Variants in PLEKHD1 observed in about 807,000 individuals in gnomAD.
The protein encoded by PLEKHD1 is pleckstrin homology domain-containing family D member 1.
PLEKHD1 carries 51 observed loss-of-function variants against 69.2 expected under a neutral mutation model. The ratio of observed to expected loss-of-function variants is 0.74; its 90% confidence interval spans 0.59 to 0.93. The LOEUF (loss-of-function observed/expected upper bound fraction) is 0.93. PLEKHD1 is among the 40% of genes least tolerant of loss of function. The pLI is 0.00. For synonymous variants in PLEKHD1, 236 were observed against 244.7 expected, an observed-to-expected ratio of 0.96 and a Z score of 0.33; for missense variants, 584 against 641.0, an observed-to-expected ratio of 0.91 and a Z score of 0.96.
intron 6 of PLEKHD1, among the ~76,000 whole-genome samples, chr14:69,515,121 C>A (rs1883355253): frequency 6.6e-6 from 1 of 152,136 alleles, no homozygotes; most frequent in Non-Finnish European, 1.5e-5. Flanking sequence ...TCACTTGAAC[C>A]CGGGAGGCAG....
At position 69,485,125 on chromosome 14, in the gene PLEKHD1, C is replaced by G; in HGVS notation, c.149+11C>G. 1 of 1,547,414 alleles carries G rather than the reference C, an allele frequency of 6.5e-7. No individual in the cohort carries two copies. The highest frequency in any genetic ancestry group is 1.4e-5 in the African/African-American group (1 of 73,116). The stretch of plus-strand genomic sequence containing the variant: ...CAAGTGGTCCCGGCGGTGAGTGCGC[C>G]CCCGCGCCCCAAGGAGACCGCCGGG... On this transcript the variant is annotated intron_variant, in intron 1 of 12. Transcript: ENST00000322564.
At chr14:69,502,527 A>G in intron 5 of PLEKHD1, 2 of 413,670 alleles carry the variant, frequency 4.8e-6, no homozygotes, top group South Asian at 4.9e-5. Flanking sequence ...TGCAGGTGGA[A>G]GGTGGGTGTG....
At chr14:69,484,525 C>G (rs530840836), upstream of PLEKHD1, among the ~76,000 whole-genome samples, 22 of 152,234 alleles carry the variant, frequency 1.4e-4, no homozygotes, top group Non-Finnish European at 2.9e-4. Flanking sequence ...CCCTGCGACC[C>G]GCAGGGACCT....
chr14:69,528,428 C>T lies in PLEKHD1; in HGVS notation c.*9C>T. ...CCCGGGGTGGAAAGTGATGGGCGCT[C>T]CTCCCCTGCTTCCCAAGTCTCCCCT... On this transcript the variant is annotated 3_prime_UTR_variant, in exon 13 of 13. Transcript: ENST00000322564. The T allele has an allele frequency of 1.3e-6, 2 of 1,549,220 alleles. No individual in the cohort carries two copies. Among genetic ancestry groups the T allele is most frequent in the Non-Finnish European group, 1.7e-6 (2 of 1,146,594 alleles).
chr14:69,513,194 G>C (rs955054105), intron 6 of PLEKHD1, among the ~76,000 whole-genome samples: 1 of 151,304 alleles, frequency 6.6e-6, no homozygotes, highest in Admixed American at 6.6e-5. Context: ...ACTCCAGCCT[G>C]GGTGGCAGAG....
chr14:69,509,309 T>C (rs1404519985), intron 6 of PLEKHD1, among the ~76,000 whole-genome samples: 1 of 152,232 alleles, frequency 6.6e-6, no homozygotes, highest in Non-Finnish European at 1.5e-5. Flanking sequence ...TTGTGACTTG[T>C]TTTCTTATTC....
intron 1 of PLEKHD1, among the ~76,000 whole-genome samples, chr14:69,498,089 TTATTTTA>T (rs1461918486): frequency 1.3e-3 from 185 of 147,068 alleles, no homozygotes; most frequent in African/African-American, 4.4e-3. Flanking sequence ...TTATTTTATT[TTATTTTA>T]TTTTATTTTA....
chr14:69,471,711 C>T, the PLEKHD1 span, among the ~76,000 whole-genome samples: 2 of 152,106 alleles, frequency 1.3e-5, no homozygotes, highest in South Asian at 4.1e-4. Flanking sequence ...AAGTCCAGGG[C>T]TCCCCACACT....
intron 6 of PLEKHD1, 94 bp downstream of exon 6, chr14:69,502,973 G>A (rs988774541): frequency 2.7e-5 from 40 of 1,455,842 alleles, no homozygotes; most frequent in Non-Finnish European, 3.4e-5. Flanking sequence ...GTGCACAGAG[G>A]ACTTGCTAGA....
the PLEKHD1 span, among the ~76,000 whole-genome samples, chr14:69,475,576 A>G: frequency 6.6e-6 from 1 of 152,222 alleles, no homozygotes; most frequent in African/African-American, 2.4e-5. Context: ...TGATGAGAAC[A>G]CAGCCCATCT....
rs892035534 is a variant in PLEKHD1 at position 69,521,964 on chromosome 14, G to C, written c.556-319G>C. 6.6e-5 allele frequency among the ~76,000 whole-genome samples: 10 copies of C among 152,174 alleles called. No homozygotes were observed. In the East Asian group the frequency reaches 1.9e-3, roughly 29 times the overall value. On this transcript the variant is annotated intron_variant, in intron 6 of 12. Coordinates refer to ENST00000322564, the MANE Select transcript of PLEKHD1 (RefSeq NM_001161498.2). ...ACCCGCCTGATGGTGGCAGTGACTG[G>C]AGCTGCCCTGCAGAGTAGATATTTA... is the stretch of plus-strand genomic sequence containing the variant.
rs369625542 is a variant in PLEKHD1 at position 69,524,444 on chromosome 14, G to T, written c.744+122G>T. ...TCTGTAAGAGAAATGGGCATGGAGG[G>T]GTGCTGATCTAAAGGGTCTCTTCTC... On this transcript the variant is annotated intron_variant, in intron 8 of 12. Transcript: ENST00000322564. 6.4e-4 allele frequency: 528 copies of T among 819,094 alleles called. 6 individuals carry two copies. The highest frequency in any genetic ancestry group is 6.4e-3 in the South Asian group (386 of 60,740). 50.7% of individuals were successfully genotyped at this position (819,094 alleles called of 1,614,324 possible). A position where few individuals can be genotyped will look rare whatever the true frequency, so the allele number is the denominator to read the frequency against.
At position 69,526,844 on chromosome 14, in the gene PLEKHD1, G is replaced by T; in HGVS notation, c.1056+15G>T. ...GGGAGCTCAAGGTGCGACCTGGCCT[G>T]CTGGTGCCAGGGCCCTTCCCCTTCC... On this transcript the variant is annotated intron_variant, in intron 10 of 12. Coordinates refer to ENST00000322564, the MANE Select transcript of PLEKHD1 (RefSeq NM_001161498.2). The T allele has an allele frequency of 6.6e-7, 1 of 1,523,492 alleles. No homozygotes were observed. The highest frequency in any genetic ancestry group is 8.8e-7 in the Non-Finnish European group (1 of 1,134,262). The allele number at this position is 1,523,492 out of a possible 1,614,324, so 94.4% of individuals were successfully genotyped here.
At chr14:69,499,880 T>C (rs1160876696) in intron 1 of PLEKHD1, among the ~76,000 whole-genome samples, 4 of 152,080 alleles carry the variant, frequency 2.6e-5, no homozygotes, top group Non-Finnish European at 5.9e-5. Flanking sequence ...TGGAAGCCAG[T>C]AGTGGGGCTC....
rs770278569 is a variant in PLEKHD1, at chr14:69,484,957, T to C, written c.-9T>C. The C allele has an allele frequency of 6.5e-7, 1 of 1,550,064 alleles. No individual in the cohort carries two copies. Among genetic ancestry groups the C allele is most frequent in the South Asian group, 1.2e-5 (1 of 83,978 alleles). On this transcript the variant is annotated 5_prime_UTR_variant, in exon 1 of 13. Coordinates refer to ENST00000322564, the MANE Select transcript of PLEKHD1 (RefSeq NM_001161498.2). ...GGGTCCGGGCCGGGCACAGCCCCGC[T>C]GAGGCAGGATGTTCACGTCCAAGTC...
At chr14:69,512,399 T>A (rs1192639660) in intron 6 of PLEKHD1, among the ~76,000 whole-genome samples, 1 of 152,140 alleles carries the variant, frequency 6.6e-6, no homozygotes, top group African/African-American at 2.4e-5. Context: ...TGATTTCTGC[T>A]CTGTTTTATT....
chr14:69,528,490 G>A lies in PLEKHD1; in HGVS notation c.*71G>A. On this transcript the variant is annotated 3_prime_UTR_variant, in exon 13 of 13. Coordinates refer to ENST00000322564, the MANE Select transcript of PLEKHD1 (RefSeq NM_001161498.2). ...GGAGGGGAAGGGGTGGCAGAGGGAG[G>A]CCTCACTCTACCAGCTCCTGGCCTC... is the stretch of plus-strand genomic sequence containing the variant. The A allele has an allele frequency of 6.7e-7, 1 of 1,497,988 alleles. No individual in the cohort carries two copies. The highest frequency in any genetic ancestry group is 1.3e-5 in the South Asian group (1 of 77,544). 92.8% of individuals were successfully genotyped at this position (1,497,988 alleles called of 1,614,324 possible). A position where few individuals can be genotyped will look rare whatever the true frequency, so the allele number is the denominator to read the frequency against.
chr14:69,530,831 A>C lies in PLEKHD1; in HGVS notation c.*2412A>C, dbSNP rs1421097238. Reference sequence around the variant, plus strand: ...TAACAAACCCACCCCCTCGATAATGACATTAATCCTTTCATAAGGGAGAGT... The same window carrying C: ...TAACAAACCCACCCCCTCGATAATGCCATTAATCCTTTCATAAGGGAGAGT... On this transcript the variant is annotated 3_prime_UTR_variant, in exon 13 of 13. Coordinates refer to ENST00000322564, the MANE Select transcript of PLEKHD1 (RefSeq NM_001161498.2). 6.6e-6 allele frequency: 1 copy of C among 152,184 alleles called. No homozygotes were observed. Among genetic ancestry groups the C allele is most frequent in the East Asian group, 1.9e-4 (1 of 5,196 alleles). 9.4% of individuals were successfully genotyped at this position (152,184 alleles called of 1,614,324 possible).
chr14:69,509,708 C>T (rs567675272), intron 6 of PLEKHD1, among the ~76,000 whole-genome samples: 4 of 152,152 alleles, frequency 2.6e-5, no homozygotes, highest in South Asian at 4.1e-4. Context: ...GAGGTCGAGG[C>T]GGGTGGATCA....
Sources: gnomAD v4.1 joint callset for allele counts (sites outside exome capture counted in the v4.1 genomes callset) on GRCh38, gnomAD v4.1.1 for gene constraint, MANE v1.5 for transcripts, NCBI Gene and HGNC (gene_info 2026-07-23, HGNC 2026-07-21) for gene names.